TSPEAR: variants seen among roughly 807,000 people sequenced by gnomAD.
TSPEAR encodes thrombospondin-type laminin G domain and EAR repeat-containing protein.
In TSPEAR, 69 loss-of-function variants were observed where a neutral mutation model predicts 71.6. The observed-to-expected ratio is 0.96, with a 90% CI of 0.79 to 1.18. TSPEAR has a LOEUF of 1.18. Among genes scored for constraint, TSPEAR ranks in the 50% most tolerant of loss-of-function variants. TSPEAR has a pLI of 0.00. For missense variants in TSPEAR, 971 were observed against 894.9 expected (o/e 1.09, Z -1.09); for synonymous variants, 402 against 387.2 (o/e 1.04, Z -0.45).
At chr21:44,580,573 G>C in intron 1 of TSPEAR, 5 of 1,608,272 alleles carry the variant, frequency 3.1e-6, no homozygotes, top group Non-Finnish European at 4.2e-6. Flanking sequence ...TGGTGCACGC[G>C]GCCATGCTGG....
At position 44,509,200 on chromosome 21, in the gene TSPEAR, T is replaced by G; in HGVS notation, c.1753A>C (p.Ser585Arg). Residue 585 changes from serine (S) to arginine (R), a missense_variant and splice_region_variant, in exon 10 of 12, where the codon AGT (serine) becomes CGT (arginine). Transcript: ENST00000323084. ...FVKFQDILTC[S>R]ALDWEFFSVG... ...CCACTGGCCTGTGGAGGCGCATACC[T>G]GCAGGTGAGAATGTCCTGGAACTTG... 2 of 1,613,510 alleles carry G rather than the reference T, an allele frequency of 1.2e-6. No individual in the cohort carries two copies. The highest frequency in any genetic ancestry group is 1.7e-6 in the Non-Finnish European group (2 of 1,179,668).
At chr21:44,702,213 G>C (rs939564328) in intron 1 of TSPEAR, 1 of 1,580,972 alleles carries the variant, frequency 6.3e-7, no homozygotes, top group Admixed American at 1.7e-5. Context: ...GAACAAAGGG[G>C]CCTCCCTGAG....
chr21:44,579,763 T>A, intron 1 of TSPEAR: 4 of 1,609,934 alleles, frequency 2.5e-6, no homozygotes, highest in Non-Finnish European at 3.4e-6. Flanking sequence ...AGCAGAGGCC[T>A]CAGCAGGCCA....
Position 44,585,147 on chromosome 21 carries a change from C to T in TSPEAR, c.83-17142G>A, listed in dbSNP as rs117068141. 5.0e-4 allele frequency among the ~76,000 whole-genome samples: 76 copies of T among 152,242 alleles called. No homozygotes were observed. The East Asian group carries it at 0.011, about 21-fold the overall frequency. On this transcript the variant is annotated intron_variant, in intron 1 of 11. Transcript: ENST00000323084. ...ATTGTTGAGTAAAAGTTTCAGAAAGCGTCATGGGTGGTAAACTTTCTGGAT... is the reference window on the plus strand; with the variant it reads ...ATTGTTGAGTAAAAGTTTCAGAAAGTGTCATGGGTGGTAAACTTTCTGGAT...
rs1329904553 is a variant in TSPEAR at position 44,593,629 on chromosome 21, C to G, written c.83-25624G>C. ...TCCCTTTAGGGTTTCGACACAACCA[C>G]TACCCAGCACTAAAGTTAAAATAGA... On this transcript the variant is annotated intron_variant, in intron 1 of 11. Coordinates refer to ENST00000323084, the MANE Select transcript of TSPEAR (RefSeq NM_144991.3). The surrounding 1 kb of genome is among the most constrained non-coding windows in gnomAD (Gnocchi z 5.9). 6.6e-6 allele frequency among the ~76,000 whole-genome samples: 1 copy of G among 152,144 alleles called. No homozygotes were observed. The highest frequency in any genetic ancestry group is 1.5e-5 in the Non-Finnish European group (1 of 68,028).
At chr21:44,667,180 A>G (rs1985829689) in intron 1 of TSPEAR, among the ~76,000 whole-genome samples, 1 of 152,136 alleles carries the variant, frequency 6.6e-6, no homozygotes, top group African/African-American at 2.4e-5. Context: ...CTTGTTCTTT[A>G]AAATTTTACC....
At chr21:44,613,002 T>A in intron 1 of TSPEAR, 1 of 1,387,972 alleles carries the variant, frequency 7.2e-7, no homozygotes, top group Non-Finnish European at 9.8e-7. Context: ...ATGTCTCCCC[T>A]GTGCTGAGGT....
intron 1 of TSPEAR, among the ~76,000 whole-genome samples, chr21:44,616,762 G>A (rs1982125184): frequency 6.6e-6 from 1 of 152,268 alleles, no homozygotes; most frequent in Admixed American, 6.5e-5. Context: ...CACGGACAGA[G>A]TCTGCGGTGT....
At chr21:44,601,596 C>A (rs1312560158) in intron 1 of TSPEAR, 1 of 1,613,478 alleles carries the variant, frequency 6.2e-7, no homozygotes, top group Non-Finnish European at 8.5e-7. Context: ...GCGTGCCCGT[C>A]CCCTCCTGCT....
At chr21:44,670,066 C>A (rs1399940287) in intron 1 of TSPEAR, among the ~76,000 whole-genome samples, 2 of 152,190 alleles carry the variant, frequency 1.3e-5, no homozygotes, top group Non-Finnish European at 2.9e-5. Context: ...CTTTTAATAT[C>A]ATTCAAAACC....
intron 1 of TSPEAR, among the ~76,000 whole-genome samples, chr21:44,606,347 GTTC>G (rs1258296655): frequency 2.0e-5 from 3 of 152,122 alleles, no homozygotes; most frequent in Non-Finnish European, 4.4e-5. Context: ...TGTCAGAATG[GTTC>G]TTATCAAAAA....
At chr21:44,524,519 T>A (rs587775492) in intron 8 of TSPEAR, among the ~76,000 whole-genome samples, 1 of 151,468 alleles carries the variant, frequency 6.6e-6, no homozygotes, top group Non-Finnish European at 1.5e-5. Context: ...AGGCAGTCAG[T>A]CAGTCAGACA....
intron 1 of TSPEAR, among the ~76,000 whole-genome samples, chr21:44,669,217 G>T (rs941047686): frequency 2.6e-5 from 4 of 152,168 alleles, no homozygotes; most frequent in African/African-American, 9.7e-5. Context: ...GAGGTCAAGA[G>T]ATCGAGACCA....
intron 1 of TSPEAR, among the ~76,000 whole-genome samples, chr21:44,607,687 T>C (rs915884547): frequency 6.6e-6 from 1 of 152,182 alleles, no homozygotes; most frequent in African/African-American, 2.4e-5. Context: ...TGACTCAGAT[T>C]GAAATAGATG....
chr21:44,566,791 G>T (rs1305555380), intron 2 of TSPEAR, among the ~76,000 whole-genome samples: 1 of 152,062 alleles, frequency 6.6e-6, no homozygotes, highest in Non-Finnish European at 1.5e-5. Context: ...CAAATGGTGT[G>T]GGGGCAACTG....
chr21:44,537,818 A>G (rs1555916518), intron 2 of TSPEAR, among the ~76,000 whole-genome samples: 1 of 152,250 alleles, frequency 6.6e-6, no homozygotes, highest in Non-Finnish European at 1.5e-5. Context: ...AAAAACACAC[A>G]TAGCCTGATA....
chr21:44,589,913 C>G (rs113834087), intron 1 of TSPEAR, among the ~76,000 whole-genome samples: 4,829 of 152,368 alleles, frequency 0.032, 258 homozygotes, highest in African/African-American at 0.11. Flanking sequence ...CCCCTGCCAG[C>G]TACCCGGAGA....
rs113735866 is a variant in TSPEAR, at chr21:44,499,780, G to A, written c.*3C>T. ...CCCCAGTTGCTGCCGGGCAGCCGCGGCCTCAGCGTGTCCTCAGCCGCAGGA... is the reference window on the plus strand; with the variant it reads ...CCCCAGTTGCTGCCGGGCAGCCGCGACCTCAGCGTGTCCTCAGCCGCAGGA... On this transcript the variant is annotated 3_prime_UTR_variant, in exon 12 of 12. Coordinates refer to ENST00000323084, the MANE Select transcript of TSPEAR (RefSeq NM_144991.3). The A allele has an allele frequency of 1.3e-6, 2 of 1,560,402 alleles. No individual in the cohort carries two copies. Among genetic ancestry groups the A allele is most frequent in the Admixed American group, 1.9e-5 (1 of 52,940 alleles).
intron 1 of TSPEAR, chr21:44,637,680 C>A (rs1555937206): frequency 1.3e-6 from 2 of 1,543,330 alleles, no homozygotes; most frequent in Admixed American, 3.9e-5. Context: ...TGCACCTCCT[C>A]CCCCTGCCAG....
Sources: gnomAD v4.1 joint callset for allele counts (sites outside exome capture counted in the v4.1 genomes callset) on GRCh38, gnomAD v4.1.1 for gene constraint, Gnocchi (gnomAD v3.1) non-coding constraint, MANE v1.5 for transcripts, NCBI Gene and HGNC (gene_info 2026-07-23, HGNC 2026-07-21) for gene names.